DAB1: variants seen among roughly 807,000 people sequenced by gnomAD.
The protein encoded by DAB1 is disabled homolog 1.
In DAB1, 15 loss-of-function variants were observed where a neutral mutation model predicts 64.6. The ratio of observed to expected loss-of-function variants is 0.23; its 90% CI spans 0.16 to 0.36. DAB1 has a LOEUF of 0.36. Among genes scored for constraint, DAB1 ranks in the 10% least tolerant of loss-of-function variants. The pLI, the probability that DAB1 is intolerant of heterozygous loss-of-function variation, is 1.00. For missense variants in DAB1, 596 were observed against 706.7 expected, an observed-to-expected ratio of 0.84 and a Z score of 1.78; for synonymous variants, 235 against 251.9, an observed-to-expected ratio of 0.93 and a Z score of 0.64.
intron 1 of DAB1, among the ~76,000 whole-genome samples, chr1:57,383,110 T>C (rs1681518221): frequency 6.6e-6 from 1 of 152,012 alleles, no homozygotes; most frequent in Non-Finnish European, 1.5e-5. Context: ...TAGTGTTAAA[T>C]AAGGTGGTAG....
intron 4 of DAB1, among the ~76,000 whole-genome samples, chr1:58,174,546 G>C (rs1269419245): frequency 6.6e-6 from 1 of 152,228 alleles, no homozygotes; most frequent in African/African-American, 2.4e-5. Flanking sequence ...GAAGTAGCTA[G>C]AGCAGTCATC....
intron 9 of DAB1, among the ~76,000 whole-genome samples, chr1:57,056,333 T>TA (rs903018252): frequency 0.061 from 7,136 of 117,206 alleles, 372 homozygotes; most frequent in African/African-American, 0.14. Flanking sequence ...TCCTCATCTT[T>TA]AAAAAAAAAA....
chr1:57,189,811 A>G (rs920748453), intron 2 of DAB1, among the ~76,000 whole-genome samples: 1 of 151,380 alleles, frequency 6.6e-6, no homozygotes, highest in Non-Finnish European at 1.5e-5. Context: ...CTGAGAAGCC[A>G]ACATTTGTTG....
chr1:58,473,693 C>G, intron 3 of DAB1: 1 of 363,132 alleles, frequency 2.8e-6, no homozygotes, highest in South Asian at 2.3e-5. Context: ...ATAATGAATG[C>G]TAGCCATTAT....
chr1:57,890,456 C>CTTTTTTTTTTTTTTTTTT (rs71246207), intron 5 of DAB1, among the ~76,000 whole-genome samples: 1 of 136,616 alleles, frequency 7.3e-6, no homozygotes, highest in Non-Finnish European at 1.6e-5. Context: ...CTTTTCTTTT[C>CTTTTTTTTTTTTTTTTTT]TTTTTTTTTT....
At position 58,184,464 on chromosome 1, in the gene DAB1, AT is replaced by A. The variant is rs1270395687; in HGVS notation, n.310-33877del. Among the ~76,000 whole-genome samples the A allele has an allele frequency of 4.0e-5, 6 of 151,414 alleles. 2 individuals carry two copies. Among genetic ancestry groups the A allele is most frequent in the African/African-American group, 1.5e-4 (6 of 41,348 alleles). ...GCTGGACCATTCTGCCTCCTATTCA[AT>A]TTTCTTATTTTGAATGATAATGATA... On this transcript the variant is annotated intron_variant and non_coding_transcript_variant, in intron 4 of 20. Transcript: ENST00000485760.
At chr1:57,444,770 G>A (rs895870327) in intron 7 of DAB1, among the ~76,000 whole-genome samples, 6 of 152,164 alleles carry the variant, frequency 3.9e-5, no homozygotes, top group Non-Finnish European at 7.3e-5. Context: ...TAATTCTCCC[G>A]TAGAGCTTTC....
chr1:57,229,318 C>T (rs1290791643), intron 2 of DAB1, among the ~76,000 whole-genome samples: 1 of 151,788 alleles, frequency 6.6e-6, no homozygotes, highest in African/African-American at 2.4e-5. Context: ...TCTCAGCCGC[C>T]AGAGTAGCTG....
chr1:57,613,458 T>A (rs763628501), intron 7 of DAB1, among the ~76,000 whole-genome samples: 1 of 152,120 alleles, frequency 6.6e-6, no homozygotes, highest in African/African-American at 2.4e-5. Context: ...GTATAAAAGC[T>A]GTTTCCCATA....
At chr1:57,857,389 G>A (rs1653801207) in intron 1 of DAB1, among the ~76,000 whole-genome samples, 1 of 152,168 alleles carries the variant, frequency 6.6e-6, no homozygotes, top group Admixed American at 6.5e-5. Flanking sequence ...CATGTATGAA[G>A]AGTAATAGAG....
intron 5 of DAB1, among the ~76,000 whole-genome samples, chr1:57,911,672 C>T (rs1644647228): frequency 6.6e-6 from 1 of 152,204 alleles, no homozygotes. Context: ...GGCCCAGCAC[C>T]CTGGAGGTCA....
At chr1:57,441,426 G>C (rs1685957277) in intron 7 of DAB1, among the ~76,000 whole-genome samples, 1 of 150,508 alleles carries the variant, frequency 6.6e-6, no homozygotes, top group Non-Finnish European at 1.5e-5. Flanking sequence ...CCTGAACATA[G>C]CTCATTGCAC....
intron 5 of DAB1, among the ~76,000 whole-genome samples, chr1:57,980,781 G>T (rs1440223874): frequency 6.6e-6 from 1 of 151,942 alleles, no homozygotes; most frequent in Non-Finnish European, 1.5e-5. Context: ...AAGCAGTTCG[G>T]CAGTATGTAT....
intron 3 of DAB1, among the ~76,000 whole-genome samples, chr1:58,408,246 CTCTT>C (rs1235231994): frequency 1.3e-5 from 2 of 152,162 alleles, no homozygotes; most frequent in African/African-American, 4.8e-5. Flanking sequence ...ACCTGCTCTT[CTCTT>C]TGTCTGGATT....
At chr1:57,014,846 C>G in intron 12 of DAB1, 37 bp downstream of exon 12, 5 of 1,502,972 alleles carry the variant, frequency 3.3e-6, no homozygotes, top group Non-Finnish European at 3.6e-6. Flanking sequence ...AGTTACGGCT[C>G]TCATTGGGTT....
chr1:58,222,637 A>G (rs1237546242), intron 4 of DAB1, among the ~76,000 whole-genome samples: 1 of 152,204 alleles, frequency 6.6e-6, no homozygotes, highest in Admixed American at 6.5e-5. Context: ...AAGTGACGTG[A>G]CTTGCCTAAG....
At chr1:57,426,923 G>A (rs928212678), upstream of DAB1, among the ~76,000 whole-genome samples, 7 of 149,614 alleles carry the variant, frequency 4.7e-5, no homozygotes, top group East Asian at 1.9e-4. Flanking sequence ...GAGTGCAGTG[G>A]CGCGATCTCG....
intron 3 of DAB1, among the ~76,000 whole-genome samples, chr1:58,410,192 G>C (rs1644654517): frequency 6.6e-6 from 1 of 152,186 alleles, no homozygotes; most frequent in Admixed American, 6.5e-5. Context: ...CCCCATGAAG[G>C]AATTGAAAAG....
At chr1:57,122,874 A>C (rs1008458854) in intron 4 of DAB1, among the ~76,000 whole-genome samples, 5 of 152,150 alleles carry the variant, frequency 3.3e-5, no homozygotes, top group African/African-American at 1.2e-4. Flanking sequence ...GAATTTTATA[A>C]AGTGCCAAGA....
Sources: allele counts gnomAD v4.1 joint callset (sites outside exome capture counted in the v4.1 genomes callset), GRCh38; gene constraint gnomAD v4.1.1; transcripts MANE v1.5; gene names NCBI Gene and HGNC (gene_info 2026-07-23, HGNC 2026-07-21).